Variants in PPFIBP2 observed in about 807,000 individuals in gnomAD.
PPFIBP2 encodes liprin-beta-2.
In PPFIBP2, 118 loss-of-function variants were observed where a neutral mutation model predicts 118.3. The observed-to-expected ratio is 1.00, with a 90% CI of 0.86 to 1.16. The LOEUF is 1.16. PPFIBP2 is among the 50% of genes most tolerant of loss of function. The pLI is 0.00. For synonymous variants in PPFIBP2, 414 were observed against 397.4 expected (o/e 1.04, Z -0.50); for missense variants, 1,195 against 1,073.1 (o/e 1.11, Z -1.59).
intron 3 of PPFIBP2, 141 bp downstream of exon 3, chr11:7,565,908 G>T: frequency 1.1e-6 from 1 of 892,982 alleles, no homozygotes; most frequent in Non-Finnish European, 1.7e-6. Flanking sequence ...CAACGCTGCA[G>T]GGTGGCCCTT....
At chr11:7,583,792 G>T (rs1432648864) in intron 3 of PPFIBP2, among the ~76,000 whole-genome samples, 1 of 152,168 alleles carries the variant, frequency 6.6e-6, no homozygotes, top group African/African-American at 2.4e-5. Context: ...TATCTTCAGG[G>T]TGTCCTGTGT....
intron 2 of PPFIBP2, among the ~76,000 whole-genome samples, chr11:7,564,858 C>T (rs1371001426): frequency 2.0e-5 from 3 of 152,170 alleles, no homozygotes; most frequent in Non-Finnish European, 2.9e-5. Context: ...GGCCCAGGCC[C>T]AGAGCTGGTA....
chr11:7,568,599 C>T (rs574723376), intron 3 of PPFIBP2, among the ~76,000 whole-genome samples: 63 of 152,292 alleles, frequency 4.1e-4, no homozygotes, highest in African/African-American at 1.5e-3. Context: ...GCACTTCCAC[C>T]TGCCATAGAG....
intron 2 of PPFIBP2, among the ~76,000 whole-genome samples, chr11:7,561,524 C>G (rs1470890152): frequency 6.6e-6 from 1 of 152,048 alleles, no homozygotes; most frequent in African/African-American, 2.4e-5. Context: ...CCTATCTTCT[C>G]TTTGTATTTC....
At chr11:7,663,992 T>G in the PPFIBP2 span, among the ~76,000 whole-genome samples, 1 of 151,884 alleles carries the variant, frequency 6.6e-6, no homozygotes, top group South Asian at 2.1e-4. Flanking sequence ...GGCAATGCCT[T>G]GCCCTGCTTC....
rs546777188 is a variant in PPFIBP2, at chr11:7,631,825, T to C, written c.1068+797T>C. ...GCGGTGTCCAAGTCTTACCAAGTCT[T>C]ACTGGATACCTCCACGTGGTCACTG... On this transcript the variant is annotated intron_variant, in intron 11 of 23. Transcript: ENST00000299492. Among the ~76,000 whole-genome samples the C allele has an allele frequency of 4.6e-5, 7 of 152,328 alleles. No homozygotes were observed. In the South Asian group the frequency reaches 1.4e-3, roughly 32 times the overall value.
chr11:7,665,914 G>T, the PPFIBP2 span: 1 of 1,536,116 alleles, frequency 6.5e-7, no homozygotes, highest in Non-Finnish European at 8.7e-7. Flanking sequence ...TGCTCAGTAG[G>T]GTAGCGCCCT....
chr11:7,592,396 G>C lies in PPFIBP2; in HGVS notation c.280-736G>C, dbSNP rs146368353. On this transcript the variant is annotated intron_variant, in intron 3 of 23. Coordinates refer to ENST00000299492, the MANE Select transcript of PPFIBP2 (RefSeq NM_003621.5). ...CTCTCCCTTTCCTCTCTTTTCTATA[G>C]TTTCTGGCTACCTGTAATTTCCTTA... 4.8e-3 allele frequency among the ~76,000 whole-genome samples: 728 copies of C among 152,190 alleles called. 6 individuals carry two copies. Among genetic ancestry groups the C allele is most frequent in the African/African-American group, 0.016 (672 of 41,512 alleles).
At chr11:7,664,171 C>T in the PPFIBP2 span, among the ~76,000 whole-genome samples, 2 of 152,184 alleles carry the variant, frequency 1.3e-5, no homozygotes, top group African/African-American at 4.8e-5. Flanking sequence ...TGGCTCCTCC[C>T]TTGCATGTTG....
At position 7,616,766 on chromosome 11, in the gene PPFIBP2, TTGTG is replaced by T. The variant is rs148584962; in HGVS notation, c.619-4162_619-4159del. 2.0e-4 allele frequency among the ~76,000 whole-genome samples: 31 copies of T among 151,762 alleles called. No homozygotes were observed. Among genetic ancestry groups the T allele is most frequent in the African/African-American group, 6.8e-4 (28 of 41,366 alleles). ...ATGCATATGTGGAGAGAGGACGTGT[TTGTG>T]TGTGTGCCCCAGTGTGCACCCATCT... is the stretch of plus-strand genomic sequence containing the variant. On this transcript the variant is annotated intron_variant, in intron 6 of 23. Coordinates refer to ENST00000299492, the MANE Select transcript of PPFIBP2 (RefSeq NM_003621.5). The surrounding 1 kb of genome is among the most constrained non-coding windows in gnomAD (Gnocchi z 5.2).
intron 2 of PPFIBP2, among the ~76,000 whole-genome samples, chr11:7,557,186 A>G (rs7112087): frequency 0.52 from 78,967 of 151,382 alleles, 22,299 homozygotes; most frequent in African/African-American, 0.75. Flanking sequence ...TAATTCTCTC[A>G]TCTGCTATTT....
In PPFIBP2 at chr11:7,514,126, GT is replaced by G. The variant is rs1318528823; in HGVS notation, c.-37+6del. On this transcript the variant is annotated splice_donor_region_variant and intron_variant, in intron 1 of 23. Coordinates refer to ENST00000299492, the MANE Select transcript of PPFIBP2 (RefSeq NM_003621.5). ...GAGCCTCGGCCCCGTACCCAGGTCA[GT>G]GGGCTCTCCCCACACCCCGGGCTTG... 5 of 152,386 alleles carry G rather than the reference GT, an allele frequency of 3.3e-5. No individual in the cohort carries two copies. The highest frequency in any genetic ancestry group is 7.3e-5 in the Non-Finnish European group (5 of 68,188). The allele number at this position is 152,386 out of a possible 1,614,324, so 9.4% of individuals were successfully genotyped here. A position where few individuals can be genotyped will look rare whatever the true frequency, so the allele number is the denominator to read the frequency against.
At chr11:7,635,871 A>G (rs1163443117) in intron 14 of PPFIBP2, among the ~76,000 whole-genome samples, 1 of 152,214 alleles carries the variant, frequency 6.6e-6, no homozygotes, top group Non-Finnish European at 1.5e-5. Flanking sequence ...TCTAGATTTA[A>G]TCACTGGGAA....
chr11:7,594,945 G>A lies in PPFIBP2; in HGVS notation c.372+1721G>A, dbSNP rs995493389. Among the ~76,000 whole-genome samples, 3 of 151,030 alleles carry A rather than the reference G, an allele frequency of 2.0e-5. No homozygotes were observed. In the South Asian group the frequency reaches 6.3e-4, roughly 32 times the overall value. ...AAAAAAAAAAAAAAAAAAGAAAAAG[G>A]AGAGTGTGAATTGACAATAAGCCAA... On this transcript the variant is annotated intron_variant, in intron 4 of 23. Transcript: ENST00000299492.
chr11:7,612,565 CT>C (rs1012842726), intron 6 of PPFIBP2, among the ~76,000 whole-genome samples: 7 of 152,182 alleles, frequency 4.6e-5, no homozygotes, highest in Non-Finnish European at 8.8e-5. Context: ...TTACTGTTTG[CT>C]TTTTTCTTTC....
intron 3 of PPFIBP2, among the ~76,000 whole-genome samples, chr11:7,570,929 G>T (rs1375034118): frequency 6.6e-6 from 1 of 152,196 alleles, no homozygotes; most frequent in Non-Finnish European, 1.5e-5. Context: ...ATATGGAGTG[G>T]TCTCTTTGTA....
rs758738858 is a variant in PPFIBP2 at position 7,648,515 on chromosome 11, C to A, written c.1775C>A (p.Ala592Asp). 19 of 1,614,072 alleles carry A rather than the reference C, an allele frequency of 1.2e-5. No individual in the cohort carries two copies. The highest frequency in any genetic ancestry group is 1.6e-5 in the Non-Finnish European group (19 of 1,180,024). ...WVSSGHTLLT[A>D]TPQDMEKELG... is the part of the protein sequence containing the mutation. ...TCTTCTGGCCACACCTTATTGACAG[C>A]CACCCCTCAGGACATGGAAAAGGTA... The change falls in exon 18 of 24, where the codon GCC becomes GAC. Residue 592 changes from alanine to aspartate, a missense_variant. Ala to Asp is a moderately radical substitution (Grantham distance 126). Transcript: ENST00000299492.
intron 1 of PPFIBP2, chr11:7,539,150 T>A (rs945348842): frequency 1.3e-5 from 2 of 152,332 alleles, no homozygotes; most frequent in Admixed American, 6.5e-5. Flanking sequence ...CTCTTCACTT[T>A]TATTAGACTC....
chr11:7,523,147 T>C (rs542676145), intron 1 of PPFIBP2, among the ~76,000 whole-genome samples: 11 of 152,196 alleles, frequency 7.2e-5, no homozygotes, highest in African/African-American at 2.4e-4. Flanking sequence ...GAGGATCTTA[T>C]CTGGAATCTG....
Sources: allele counts gnomAD v4.1 joint callset (sites outside exome capture counted in the v4.1 genomes callset), GRCh38; gene constraint gnomAD v4.1.1; non-coding constraint Gnocchi (gnomAD v3.1); transcripts MANE v1.5; gene names NCBI Gene and HGNC (gene_info 2026-07-23, HGNC 2026-07-21).